The following CUX1 variants were observed in gnomAD, a reference collection of about 807,000 sequenced individuals.
CUX1 encodes protein CASP.
CUX1 carries 31 observed loss-of-function variants against 158.8 expected under a neutral mutation model. That is an observed-to-expected ratio of 0.20 (90% CI 0.15 to 0.26). The LOEUF is 0.26. CUX1 is among the 10% of genes least tolerant of loss of function. CUX1 has a pLI of 1.00. For missense variants in CUX1, 1,589 were observed against 2,014.6 expected (o/e 0.79, Z 4.04); for synonymous variants, 879 against 862.1 (o/e 1.02, Z -0.34).
At chr7:102,143,755 C>T (rs1168536902) in intron 8 of CUX1, among the ~76,000 whole-genome samples, 2 of 152,194 alleles carry the variant, frequency 1.3e-5, no homozygotes, top group South Asian at 2.1e-4. Flanking sequence ...GTGGACCGCA[C>T]AGGACGGCCA....
At chr7:101,988,198 G>C (rs970026446) in intron 2 of CUX1, among the ~76,000 whole-genome samples, 8 of 145,854 alleles carry the variant, frequency 5.5e-5, no homozygotes, top group African/African-American at 2.0e-4. Context: ...GCAACAGAGC[G>C]AGAATCTGTT....
chr7:101,823,434 G>A (rs922079471), intron 1 of CUX1, among the ~76,000 whole-genome samples: 12 of 152,172 alleles, frequency 7.9e-5, no homozygotes, highest in Admixed American at 3.3e-4. Context: ...TAAGGGGTCC[G>A]AACCTTTATA....
intron 1 of CUX1, among the ~76,000 whole-genome samples, chr7:101,899,562 T>C (rs1801916961): frequency 6.6e-6 from 1 of 151,894 alleles, no homozygotes; most frequent in Admixed American, 6.6e-5. Context: ...AATAAAAAAA[T>C]AAAGAAGTCA....
chr7:101,968,449 G>T (rs896741999), intron 2 of CUX1, among the ~76,000 whole-genome samples: 17 of 152,082 alleles, frequency 1.1e-4, no homozygotes, highest in Non-Finnish European at 2.2e-4. Context: ...TTGAGACGTG[G>T]TCTCGCCCTG....
intron 8 of CUX1, among the ~76,000 whole-genome samples, chr7:102,141,833 G>A (rs1361345169): frequency 1.4e-5 from 2 of 147,822 alleles, no homozygotes; most frequent in African/African-American, 5.0e-5. Context: ...TAGAGACGGG[G>A]TTTCTCCATG....
chr7:102,193,248 AAAT>A (rs1794465385), intron 12 of CUX1, among the ~76,000 whole-genome samples: 2 of 152,208 alleles, frequency 1.3e-5, no homozygotes, highest in Non-Finnish European at 2.9e-5. Flanking sequence ...TAAGCTTTAC[AAAT>A]ACATTCCACT....
chr7:102,219,097 A>G (rs1284314098), intron 20 of CUX1, among the ~76,000 whole-genome samples: 3 of 68,660 alleles, frequency 4.4e-5, no homozygotes, highest in Non-Finnish European at 6.3e-5. Context: ...CACACACACT[A>G]TGGCTATATA....
intron 1 of CUX1, among the ~76,000 whole-genome samples, chr7:101,903,297 G>A (rs1027013059): frequency 6.6e-6 from 1 of 152,118 alleles, no homozygotes. Context: ...AGATGGCCGG[G>A]AGAAAGCTAT....
At chr7:101,850,292 C>T (rs983581852) in intron 1 of CUX1, among the ~76,000 whole-genome samples, 1 of 151,926 alleles carries the variant, frequency 6.6e-6, no homozygotes, top group Non-Finnish European at 1.5e-5. Context: ...TTCTTCAAAA[C>T]ATTTTTCATT....
At chr7:102,274,733 T>A (rs1791481168) in intron 16 of CUX1, among the ~76,000 whole-genome samples, 1 of 152,070 alleles carries the variant, frequency 6.6e-6, no homozygotes. Context: ...GGCTGGTGAG[T>A]GGTGGTCAGC....
intron 20 of CUX1, among the ~76,000 whole-genome samples, chr7:102,221,499 A>G (rs1043746258): frequency 9.2e-5 from 14 of 152,194 alleles, no homozygotes; most frequent in African/African-American, 2.7e-4. Context: ...TCAACAGTAG[A>G]TCGGAAGAAC....
At chr7:101,842,872 A>ATTTTTTT in intron 1 of CUX1, among the ~76,000 whole-genome samples, 1 of 105,772 alleles carries the variant, frequency 9.5e-6, no homozygotes, top group Non-Finnish European at 1.9e-5. Context: ...AAATTATTCT[A>ATTTTTTT]TTTTTTTTTT....
At chr7:101,914,841 G>A (rs79493584) in intron 1 of CUX1, among the ~76,000 whole-genome samples, 2,064 of 152,174 alleles carry the variant, frequency 0.014, 22 homozygotes, top group Non-Finnish European at 0.023. Flanking sequence ...CATCCCATCC[G>A]GCATGGCCCA....
At chr7:102,064,474 T>G (rs1488210613) in intron 3 of CUX1, among the ~76,000 whole-genome samples, 1 of 151,902 alleles carries the variant, frequency 6.6e-6, no homozygotes, top group Non-Finnish European at 1.5e-5. Flanking sequence ...CTTAGACGTT[T>G]GCTCATTCAC....
Position 102,258,218 on chromosome 7 carries a change from T to G in CUX1, c.*9176T>G. On this transcript the variant is annotated 3_prime_UTR_variant, in exon 24 of 24. Transcript: ENST00000292535. ...AGGTGTGATAATTGAAGTAAATATC[T>G]TTTATACAAACACAAGAATGTGTGG... 1 of 977,580 alleles carries G rather than the reference T, an allele frequency of 1.0e-6. No homozygotes were observed. The highest frequency in any genetic ancestry group is 1.2e-6 in the Non-Finnish European group (1 of 822,722). The allele number at this position is 977,580 out of a possible 1,614,324, so 60.6% of individuals were successfully genotyped here.
chr7:102,131,620 C>A (rs952478997), intron 8 of CUX1, among the ~76,000 whole-genome samples: 16 of 151,598 alleles, frequency 1.1e-4, no homozygotes, highest in African/African-American at 3.9e-4. Context: ...CAGAGCTGAG[C>A]CCCATGCAAA....
chr7:101,846,575 A>T (rs1584743355), intron 1 of CUX1, among the ~76,000 whole-genome samples: 1 of 151,892 alleles, frequency 6.6e-6, no homozygotes, highest in Non-Finnish European at 1.5e-5. Context: ...CGATTCTCCC[A>T]CCTCAGCTTC....
intron 7 of CUX1, among the ~76,000 whole-genome samples, chr7:102,114,684 C>T (rs1231597259): frequency 6.6e-6 from 1 of 152,152 alleles, no homozygotes; most frequent in Non-Finnish European, 1.5e-5. Flanking sequence ...TCCAGACCAG[C>T]CTGGGCGACA....
chr7:102,166,522 A>AGAAACACAGCT (rs1791053838), intron 9 of CUX1, among the ~76,000 whole-genome samples: 1 of 152,196 alleles, frequency 6.6e-6, no homozygotes, highest in Admixed American at 6.5e-5. Context: ...CAGCTGGTTT[A>AGAAACACAGCT]ACAGGGGTCT....
Sources: allele counts gnomAD v4.1 joint callset (sites outside exome capture counted in the v4.1 genomes callset), GRCh38; gene constraint gnomAD v4.1.1; transcripts MANE v1.5; gene names NCBI Gene and HGNC (gene_info 2026-07-23, HGNC 2026-07-21).